Variants in ERC2 observed in about 807,000 individuals in gnomAD.
ERC2 encodes the protein ERC protein 2.
ERC2 carries 42 observed loss-of-function variants against 114.8 expected under a neutral mutation model. That is an observed-to-expected ratio of 0.37 (90% CI 0.29 to 0.47). ERC2 has a LOEUF of 0.47. Among genes scored for constraint, ERC2 ranks in the 20% least tolerant of loss-of-function variants. The pLI is 0.99. For synonymous variants in ERC2, 454 were observed against 425.5 expected (o/e 1.07, Z -0.82); for missense variants, 939 against 1,150.7 (o/e 0.82, Z 2.66).
chr3:55,569,961 G>A (rs900657184), intron 17 of ERC2, among the ~76,000 whole-genome samples: 26 of 150,442 alleles, frequency 1.7e-4, no homozygotes, highest in Admixed American at 1.1e-3. Context: ...GGGTTCAAGC[G>A]ATTTCTCCTG....
chr3:56,079,267 C>T (rs1231224144), intron 7 of ERC2, among the ~76,000 whole-genome samples: 1 of 152,060 alleles, frequency 6.6e-6, no homozygotes, highest in African/African-American at 2.4e-5. Flanking sequence ...CCATTTTTTT[C>T]ATAATAAGTC....
intron 17 of ERC2, among the ~76,000 whole-genome samples, chr3:55,598,375 G>T (rs139723033): frequency 1.3e-5 from 2 of 152,214 alleles, no homozygotes; most frequent in Non-Finnish European, 2.9e-5. Flanking sequence ...TGGACAAGTT[G>T]CTTAATGGCT....
At chr3:56,416,716 A>G (rs1302387139) in intron 2 of ERC2, among the ~76,000 whole-genome samples, 1 of 149,644 alleles carries the variant, frequency 6.7e-6, no homozygotes, top group Non-Finnish European at 1.5e-5. Context: ...AAACTGTTTT[A>G]CCCTTGGTCT....
chr3:55,894,711 A>G (rs2063762854), intron 13 of ERC2, among the ~76,000 whole-genome samples: 1 of 152,218 alleles, frequency 6.6e-6, no homozygotes, highest in Admixed American at 6.5e-5. Context: ...ATGTTCTCAC[A>G]TGTACGTGGC....
At chr3:56,131,445 A>G (rs931151036) in intron 6 of ERC2, among the ~76,000 whole-genome samples, 1 of 152,210 alleles carries the variant, frequency 6.6e-6, no homozygotes. Flanking sequence ...GGGGTAATTT[A>G]ACAGTCTTAA....
chr3:55,662,684 A>G (rs1403269860), intron 17 of ERC2, among the ~76,000 whole-genome samples: 3 of 152,296 alleles, frequency 2.0e-5, no homozygotes, highest in East Asian at 3.9e-4. Context: ...TGAGTCATGA[A>G]TGTAGATTAT....
At chr3:55,713,082 T>A (rs916113080) in intron 15 of ERC2, among the ~76,000 whole-genome samples, 6 of 150,044 alleles carry the variant, frequency 4.0e-5, no homozygotes, top group Non-Finnish European at 8.9e-5. Context: ...TCCTGGTTGT[T>A]AGTTCCTCTG....
rs1158309933 is a variant in ERC2 at position 56,450,424 on chromosome 3, A to T, written c.-140-15277T>A. On this transcript the variant is annotated intron_variant, in intron 1 of 17. Transcript: ENST00000288221. Reference sequence around the variant, plus strand: ...ACCATTTCCATTATTTAAATTTCAGACTCCATCAATTTATTTCAAAGTGTT... The same window carrying T: ...ACCATTTCCATTATTTAAATTTCAGTCTCCATCAATTTATTTCAAAGTGTT... Among the ~76,000 whole-genome samples, 3 of 152,046 alleles carry T rather than the reference A, an allele frequency of 2.0e-5. No homozygotes were observed. The East Asian group carries it at 5.8e-4, about 29-fold the overall frequency.
intron 13 of ERC2, among the ~76,000 whole-genome samples, chr3:55,904,360 T>C (rs115243466): frequency 0.018 from 2,671 of 152,286 alleles, 36 homozygotes; most frequent in Non-Finnish European, 0.029. Context: ...AAAATCAAGA[T>C]GCCCCCTGAT....
intron 17 of ERC2, among the ~76,000 whole-genome samples, chr3:55,548,295 G>A (rs1431433137): frequency 2.0e-5 from 3 of 152,182 alleles, no homozygotes; most frequent in Admixed American, 6.5e-5. Context: ...GTCTCCCAAC[G>A]ATACATTAAT....
chr3:55,863,692 T>A (rs981839494), intron 14 of ERC2, among the ~76,000 whole-genome samples: 1 of 152,140 alleles, frequency 6.6e-6, no homozygotes. Flanking sequence ...AACCAGATTT[T>A]CTAATAGCCA....
At chr3:56,156,348 T>A (rs1455201755) in intron 4 of ERC2, among the ~76,000 whole-genome samples, 2 of 152,168 alleles carry the variant, frequency 1.3e-5, no homozygotes, top group Non-Finnish European at 2.9e-5. Context: ...TGTGTTGCCA[T>A]AATTGGAAAC....
chr3:56,037,068 G>A (rs1046881951), intron 7 of ERC2, among the ~76,000 whole-genome samples: 2 of 152,136 alleles, frequency 1.3e-5, no homozygotes, highest in Non-Finnish European at 2.9e-5. Context: ...ATCAAGCAAA[G>A]GTAGATAAGC....
At chr3:56,254,109 A>T (rs2052359036) in intron 3 of ERC2, among the ~76,000 whole-genome samples, 1 of 152,252 alleles carries the variant, frequency 6.6e-6, no homozygotes. Flanking sequence ...CCCAAGTTTC[A>T]AACCTGGCAC....
chr3:55,831,172 C>T (rs1307821142), intron 14 of ERC2, among the ~76,000 whole-genome samples: 1 of 148,610 alleles, frequency 6.7e-6, no homozygotes. Context: ...ATTAGCCAGG[C>T]AGGGTGGCAC....
At chr3:56,120,296 T>C (rs1450564020) in intron 6 of ERC2, among the ~76,000 whole-genome samples, 1 of 152,184 alleles carries the variant, frequency 6.6e-6, no homozygotes. Context: ...CCAGTTTCTC[T>C]GATTTATGAA....
chr3:55,683,620 G>A (rs1481945872), intron 17 of ERC2, among the ~76,000 whole-genome samples, 174 bp downstream of exon 17: 1 of 152,134 alleles, frequency 6.6e-6, no homozygotes, highest in South Asian at 2.1e-4. Context: ...GGTGAGGTAG[G>A]ATGGAGGGGG....
intron 2 of ERC2, among the ~76,000 whole-genome samples, chr3:56,374,531 T>A (rs895880630): frequency 1.3e-5 from 2 of 152,184 alleles, no homozygotes; most frequent in South Asian, 2.1e-4. Context: ...TTTAATTTAT[T>A]CCTCCCCTAG....
At chr3:56,360,558 A>T (rs2058918648) in intron 2 of ERC2, among the ~76,000 whole-genome samples, 1 of 152,196 alleles carries the variant, frequency 6.6e-6, no homozygotes, top group African/African-American at 2.4e-5. Context: ...CCAGCAGCAG[A>T]GAAAGCTTCA....
Sources: allele counts gnomAD v4.1 joint callset (sites outside exome capture counted in the v4.1 genomes callset), GRCh38; gene constraint gnomAD v4.1.1; transcripts MANE v1.5; gene names NCBI Gene and HGNC (gene_info 2026-07-23, HGNC 2026-07-21).